ZFHX4: variants seen among roughly 807,000 people sequenced by gnomAD.
ZFHX4 encodes the protein zinc finger homeobox protein 4.
A neutral mutation model predicts 267.6 loss-of-function variants in ZFHX4; 56 were observed. The ratio of observed to expected loss-of-function variants is 0.21; its 90% CI spans 0.17 to 0.26. ZFHX4 has a LOEUF of 0.26. ZFHX4 is among the 10% of genes least tolerant of loss of function. ZFHX4 has a pLI of 1.00. For missense variants in ZFHX4, 4,332 were observed against 4,420.0 expected, an observed-to-expected ratio of 0.98 and a Z score of 0.56; for synonymous variants, 1,778 against 1,665.6, an observed-to-expected ratio of 1.07 and a Z score of -1.64.
intron 3 of ZFHX4, among the ~76,000 whole-genome samples, chr8:76,757,042 G>A (rs887153781): frequency 2.0e-5 from 3 of 151,996 alleles, no homozygotes; most frequent in Admixed American, 1.3e-4. Flanking sequence ...ACACGCAGCC[G>A]ACTCTTATCT....
At chr8:76,844,608 A>G (rs150271799) in intron 6 of ZFHX4, among the ~76,000 whole-genome samples, 4 of 152,226 alleles carry the variant, frequency 2.6e-5, no homozygotes, top group Non-Finnish European at 2.9e-5. Context: ...ATGAATTACT[A>G]TTCTTCCTTG....
At chr8:76,768,434 T>G (rs1227241519) in intron 3 of ZFHX4, among the ~76,000 whole-genome samples, 1 of 152,076 alleles carries the variant, frequency 6.6e-6, no homozygotes, top group Non-Finnish European at 1.5e-5. Flanking sequence ...ATTGAGGAGA[T>G]GGAGGTAGTA....
At chr8:76,698,672 T>C (rs1458348564) in intron 1 of ZFHX4, among the ~76,000 whole-genome samples, 2 of 152,028 alleles carry the variant, frequency 1.3e-5, no homozygotes, top group Non-Finnish European at 2.9e-5. Flanking sequence ...AGCTAACAGA[T>C]TTTAATGAGA....
At chr8:76,746,561 T>TA in intron 3 of ZFHX4, among the ~76,000 whole-genome samples, 1 of 152,350 alleles carries the variant, frequency 6.6e-6, no homozygotes, top group East Asian at 1.9e-4. Flanking sequence ...CTAAATTTTT[T>TA]AAAAATGTAA....
Position 76,851,563 on chromosome 8 carries a change from G to C in ZFHX4, c.4642G>C (p.Glu1548Gln). 6.2e-7 allele frequency: 1 copy of C among 1,613,912 alleles called. No homozygotes were observed. The highest frequency in any genetic ancestry group is 8.5e-7 in the Non-Finnish European group (1 of 1,179,878). ...SRPYKCTVCK[E>Q]SFTQKNILLV... is the part of the protein sequence containing the mutation. ...TCCATATAAATGTACAGTGTGTAAA[G>C]AGTCATTCACCCAAAAGAACATTCT... The change falls in exon 10 of 11, where the codon GAG becomes CAG. Residue 1548 changes from glutamate to glutamine, a missense_variant. Glu to Gln is a conservative substitution (Grantham distance 29). Around this residue, in one of 7 missense-constraint regions of ZFHX4, gnomAD observed 1,371 missense variants for 1,423.1 expected, o/e 0.96. Coordinates refer to ENST00000651372, the MANE Select transcript of ZFHX4 (RefSeq NM_024721.5).
In ZFHX4 at chr8:76,854,317, T is replaced by A; in HGVS notation, c.7396T>A (p.Ser2466Thr). 6.2e-7 allele frequency: 1 copy of A among 1,613,384 alleles called. No individual in the cohort carries two copies. The highest frequency in any genetic ancestry group is 1.1e-5 in the South Asian group (1 of 91,040). The change falls in exon 10 of 11, where the codon TCT becomes ACT. Residue 2466 changes from serine (S) to threonine (T), a missense_variant. Coordinates refer to ENST00000651372, the MANE Select transcript of ZFHX4 (RefSeq NM_024721.5). ...ACTTATCGGAAGACCTCCCTCGGCC[T>A]CTCAAACACCGGTCCCTTCCAGTCC... is the stretch of plus-strand genomic sequence containing the variant. The part of the protein sequence containing the change: ...PQLIGRPPSA[S>T]QTPVPSSPLQ...
At position 76,853,524 on chromosome 8, in the gene ZFHX4, G is replaced by A. The variant is rs1293654493; in HGVS notation, c.6603G>A (p.Thr2201=). The change falls in exon 10 of 11, where the codon ACG becomes ACA. Residue 2201 remains threonine, a synonymous_variant. Coordinates refer to ENST00000651372, the MANE Select transcript of ZFHX4 (RefSeq NM_024721.5). Reference sequence around the variant, plus strand: ...ACAACTTCAGTAACCCTCCTATAACGGTTTTAGAAGATATCAGAATTGATC... The same window carrying A: ...ACAACTTCAGTAACCCTCCTATAACAGTTTTAGAAGATATCAGAATTGATC... ...SPYNFSNPPI[T]VLEDIRIDPQ... The A allele has an allele frequency of 5.0e-6, 8 of 1,613,664 alleles. No individual in the cohort carries two copies. In the Admixed American group the frequency reaches 1.0e-4, roughly 20 times the overall value.
intron 4 of ZFHX4, among the ~76,000 whole-genome samples, chr8:76,783,382 C>T (rs1402987648): frequency 6.6e-6 from 1 of 151,930 alleles, no homozygotes; most frequent in Non-Finnish European, 1.5e-5. Context: ...AATATTGGTC[C>T]TTCATGATGC....
rs111531604 is a variant in ZFHX4 at position 76,863,896 on chromosome 8, C to T, written c.10182C>T (p.Tyr3394=). 72 of 1,574,902 alleles carry T rather than the reference C, an allele frequency of 4.6e-5. 1 individual carries two copies. The East Asian group carries it at 1.0e-3, about 22-fold the overall frequency. The change falls in exon 11 of 11, where the codon TAC becomes TAT. Residue 3394 remains tyrosine, a synonymous_variant. Transcript: ENST00000651372. ...ESKSADFSDT[Y]VVPFVKYEFI... Reference sequence around the variant, plus strand: ...AAAGTGCAGACTTTTCAGACACTTACGTTGTTCCATTCGTCAAGTATGAGT... The same window carrying T: ...AAAGTGCAGACTTTTCAGACACTTATGTTGTTCCATTCGTCAAGTATGAGT...
At chr8:76,849,471 G>A (rs1230655179) in intron 7 of ZFHX4, 41 bp from the exon 8 acceptor site, 2 of 1,534,970 alleles carry the variant, frequency 1.3e-6, no homozygotes, top group East Asian at 2.3e-5. Flanking sequence ...AATAAGAAAT[G>A]CATTAACTAA....
At chr8:76,837,386 G>T (rs1385922474) in intron 5 of ZFHX4, among the ~76,000 whole-genome samples, 1 of 151,920 alleles carries the variant, frequency 6.6e-6, no homozygotes, top group Admixed American at 6.6e-5. Context: ...ACTGAACTTA[G>T]CATGGGAGTC....
intron 1 of ZFHX4, among the ~76,000 whole-genome samples, chr8:76,701,160 G>A (rs1585859513): frequency 6.6e-6 from 1 of 151,874 alleles, no homozygotes; most frequent in East Asian, 1.9e-4. Context: ...GATTCCATCA[G>A]AATATACTGA....
intron 6 of ZFHX4, among the ~76,000 whole-genome samples, chr8:76,843,565 A>C (rs1812291623): frequency 6.6e-6 from 1 of 152,166 alleles, no homozygotes; most frequent in African/African-American, 2.4e-5. Flanking sequence ...TGTATGTATG[A>C]GATGGAAATC....
At position 76,689,215 on chromosome 8, in the gene ZFHX4, A is replaced by T. The variant is rs547149780; in HGVS notation, c.-47+7595A>T. 7.9e-5 allele frequency among the ~76,000 whole-genome samples: 12 copies of T among 152,292 alleles called. 1 individual carries two copies. In the South Asian group the frequency reaches 2.5e-3, roughly 32 times the overall value. ...AAGGGCTTATTAAGGTATTTCCATA[A>T]GAAAATGTGTTAATTTAAAAAATAA... On this transcript the variant is annotated intron_variant, in intron 1 of 10. Coordinates refer to ENST00000651372, the MANE Select transcript of ZFHX4 (RefSeq NM_024721.5).
At chr8:76,797,246 T>C (rs1402694372) in intron 4 of ZFHX4, among the ~76,000 whole-genome samples, 3 of 152,236 alleles carry the variant, frequency 2.0e-5, no homozygotes, top group Non-Finnish European at 4.4e-5. Context: ...AATTTGGATA[T>C]GACTTTTTTC....
Position 76,854,352 on chromosome 8 carries a change from T to G in ZFHX4, c.7431T>G (p.Ile2477Met). Residue 2477 changes from isoleucine (I) to methionine (M), a missense_variant, in exon 10 of 11, where the codon ATT becomes ATG. This residue lies in a region of ZFHX4 where 1,648 missense variants were observed against 1,625.0 expected (regional missense o/e 1.01). Coordinates refer to ENST00000651372, the MANE Select transcript of ZFHX4 (RefSeq NM_024721.5). ...CGGTCCCTTCCAGTCCACTGCAAATTTCCATGACGTCTCTCCAGAACAGTC... is the reference window on the plus strand; with the variant it reads ...CGGTCCCTTCCAGTCCACTGCAAATGTCCATGACGTCTCTCCAGAACAGTC... ...QTPVPSSPLQ[I>M]SMTSLQNSLP... 3 of 1,613,736 alleles carry G rather than the reference T, an allele frequency of 1.9e-6. No individual in the cohort carries two copies. Among genetic ancestry groups the G allele is most frequent in the Non-Finnish European group, 2.5e-6 (3 of 1,179,852 alleles).
chr8:76,769,403 G>T (rs1305498666), intron 3 of ZFHX4, among the ~76,000 whole-genome samples: 2 of 151,528 alleles, frequency 1.3e-5, no homozygotes, highest in African/African-American at 4.9e-5. Context: ...AGGCTGGAGT[G>T]CAGTGCCCTG....
chr8:76,851,782 G>T lies in ZFHX4; in HGVS notation c.4861G>T (p.Ala1621Ser), dbSNP rs1288812682. The change falls in exon 10 of 11, where the codon GCT (alanine) becomes TCT (serine). Residue 1621 changes from alanine (A) to serine (S), a missense_variant. Physicochemically the swap from Ala to Ser is moderately conservative, Grantham distance 99 (BLOSUM62 1). Coordinates refer to ENST00000651372, the MANE Select transcript of ZFHX4 (RefSeq NM_024721.5). ...GAGGTCTGTGCTCCACCAGACAAAG[G>T]CTAGGGCTGCAAAGCTGGAGCCCAG... ...HMRSVLHQTKARAAKLEPSGH... is the reference protein window; with the variant it reads ...HMRSVLHQTKSRAAKLEPSGH... The T allele has an allele frequency of 6.2e-7, 1 of 1,613,906 alleles. No individual in the cohort carries two copies.
intron 4 of ZFHX4, among the ~76,000 whole-genome samples, chr8:76,823,501 A>G (rs528862618): frequency 9.9e-5 from 15 of 152,244 alleles, no homozygotes; most frequent in Middle Eastern, 3.4e-3. Flanking sequence ...AGCTTCTCTA[A>G]TCTTCCTTTT....
Sources: allele counts gnomAD v4.1 joint callset (sites outside exome capture counted in the v4.1 genomes callset), GRCh38; gene constraint gnomAD v4.1.1; regional missense constraint gnomAD v4.1.1; transcripts MANE v1.5; gene names NCBI Gene and HGNC (gene_info 2026-07-23, HGNC 2026-07-21).